Variants in PARD3B observed in about 807,000 individuals in gnomAD.
PARD3B encodes par-3 family cell polarity regulator beta.
PARD3B carries 103 observed loss-of-function variants against 130.2 expected under a neutral mutation model. That is an observed-to-expected ratio of 0.79 (90% CI 0.67 to 0.93). PARD3B has a LOEUF of 0.93. Ranked by LOEUF, PARD3B falls within the 40% of genes least tolerant of loss-of-function variation. The pLI is 0.00. For synonymous variants in PARD3B, 583 were observed against 553.2 expected (o/e 1.05, Z -0.76); for missense variants, 1,609 against 1,499.2 (o/e 1.07, Z -1.21).
chr2:204,555,593 T>C (rs1329722129), intron 1 of PARD3B, among the ~76,000 whole-genome samples: 1 of 152,166 alleles, frequency 6.6e-6, no homozygotes, highest in Non-Finnish European at 1.5e-5. Flanking sequence ...GAGTATATGC[T>C]GAGTTCCTTG....
Position 205,558,959 on chromosome 2 carries a change from T to A in PARD3B, c.3260+5556T>A, listed in dbSNP as rs1191633243. Among the ~76,000 whole-genome samples the A allele has an allele frequency of 6.6e-6, 1 of 152,182 alleles. No individual in the cohort carries two copies. The highest frequency in any genetic ancestry group is 1.5e-5 in the Non-Finnish European group (1 of 68,042). On this transcript the variant is annotated intron_variant, in intron 22 of 22. Transcript: ENST00000406610. This position sits in a 1 kb window ranked among gnomAD's most constrained non-coding sequence, Gnocchi z 4.8. ...CCACCCCATTGAAATATAAATTCCT[T>A]GAAATAAGAGACTTTGTTTTATACC...
intron 2 of PARD3B, among the ~76,000 whole-genome samples, chr2:204,802,801 T>C (rs897927189): frequency 1.3e-5 from 2 of 151,788 alleles, no homozygotes; most frequent in Non-Finnish European, 2.9e-5. Context: ...TGAGAACATA[T>C]GGACACAGGG....
chr2:204,574,093 C>T (rs1312130914), intron 1 of PARD3B, among the ~76,000 whole-genome samples: 4 of 152,096 alleles, frequency 2.6e-5, no homozygotes, highest in Admixed American at 2.6e-4. Context: ...GGTGTGGGAG[C>T]TCAAGACTGC....
rs1011723663 is a variant in PARD3B at position 205,568,596 on chromosome 2, G to A, written c.3260+15193G>A. The stretch of plus-strand genomic sequence containing the variant: ...AAAATGCCCATTAATGAACAATGAT[G>A]GTTTGAGTGTGTGCTGTGGCTTTAC... On this transcript the variant is annotated intron_variant, in intron 22 of 22. Transcript: ENST00000406610. This position sits in a 1 kb window ranked among gnomAD's most constrained non-coding sequence, Gnocchi z 5.3. Among the ~76,000 whole-genome samples, 2 of 152,154 alleles carry A rather than the reference G, an allele frequency of 1.3e-5. No individual in the cohort carries two copies. The highest frequency in any genetic ancestry group is 2.4e-5 in the African/African-American group (1 of 41,444).
chr2:205,087,024 T>G (rs961890698), intron 4 of PARD3B, among the ~76,000 whole-genome samples: 1 of 152,214 alleles, frequency 6.6e-6, no homozygotes, highest in Non-Finnish European at 1.5e-5. Context: ...CTGAGAGTCT[T>G]CCAAGTGTGT....
At chr2:204,744,665 A>G (rs1320977598) in intron 2 of PARD3B, among the ~76,000 whole-genome samples, 4 of 152,116 alleles carry the variant, frequency 2.6e-5, no homozygotes, top group Admixed American at 1.3e-4. Flanking sequence ...GACAAGGGAT[A>G]TCAATGTGCC....
chr2:205,310,197 A>G (rs945813833), intron 18 of PARD3B, among the ~76,000 whole-genome samples: 2 of 143,924 alleles, frequency 1.4e-5, no homozygotes, highest in East Asian at 2.1e-4. Flanking sequence ...CCATTCTCCT[A>G]CCTCAGCCTC....
chr2:204,896,456 T>A (rs2046643704), intron 2 of PARD3B, among the ~76,000 whole-genome samples: 1 of 152,176 alleles, frequency 6.6e-6, no homozygotes, highest in Admixed American at 6.5e-5. Context: ...TGGTGGCACC[T>A]CGGACATGTT....
In PARD3B at chr2:205,156,348, C is replaced by T. The variant is rs577030104; in HGVS notation, c.1435-2374C>T. The stretch of plus-strand genomic sequence containing the variant: ...TAATGGGTGCAGCACACCAGCATGG[C>T]ACATGTATACATATGTAACTAACCT... On this transcript the variant is annotated intron_variant, in intron 10 of 22. Coordinates refer to ENST00000406610, the MANE Select transcript of PARD3B (RefSeq NM_001302769.2). Among the ~76,000 whole-genome samples, 5 of 151,240 alleles carry T rather than the reference C, an allele frequency of 3.3e-5. No homozygotes were observed. The East Asian group carries it at 9.8e-4, about 30-fold the overall frequency.
chr2:205,597,978 A>G (rs567430593), intron 22 of PARD3B, among the ~76,000 whole-genome samples: 1 of 152,312 alleles, frequency 6.6e-6, no homozygotes, highest in African/African-American at 2.4e-5. Flanking sequence ...AAACATGGAA[A>G]CAAAAGAATG....
At chr2:205,162,756 C>G (rs567706978) in intron 11 of PARD3B, among the ~76,000 whole-genome samples, 2 of 152,168 alleles carry the variant, frequency 1.3e-5, no homozygotes, top group Non-Finnish European at 2.9e-5. Context: ...ATACCTTTCC[C>G]TAAATCCACA....
chr2:205,543,121 A>G (rs1391802724), intron 21 of PARD3B, among the ~76,000 whole-genome samples: 1 of 152,194 alleles, frequency 6.6e-6, no homozygotes, highest in Non-Finnish European at 1.5e-5. Flanking sequence ...CAAAGATGAT[A>G]TGCCAGGCCT....
Position 205,330,393 on chromosome 2 carries a change from G to T in PARD3B, c.2630+28692G>T, listed in dbSNP as rs143038176. Among the ~76,000 whole-genome samples, 1,062 of 152,156 alleles carry T rather than the reference G, an allele frequency of 7.0e-3. 3 individuals carry two copies. Among genetic ancestry groups the T allele is most frequent in the Non-Finnish European group, 0.01 (697 of 68,000 alleles). On this transcript the variant is annotated intron_variant, in intron 18 of 22. Coordinates refer to ENST00000406610, the MANE Select transcript of PARD3B (RefSeq NM_001302769.2). ...TTTTATGAAAATACTAGAATTAATGGGTGTTGGACTCTTGCTAGCCTTGGC... is the reference window on the plus strand; with the variant it reads ...TTTTATGAAAATACTAGAATTAATGTGTGTTGGACTCTTGCTAGCCTTGGC...
rs527432204 is a variant in PARD3B, at chr2:205,457,694, AT to A, written c.3044+17029del. ...TTCTCTAGGTATGTAATTGCCAGTG[AT>A]TTTTTTCTTCTTTTAATATATTAAA... On this transcript the variant is annotated intron_variant, in intron 20 of 22. Transcript: ENST00000406610. Among the ~76,000 whole-genome samples, 201 of 151,658 alleles carry A rather than the reference AT, an allele frequency of 1.3e-3. 1 individual carries two copies. The highest frequency in any genetic ancestry group is 2.1e-3 in the Non-Finnish European group (144 of 67,846).
intron 18 of PARD3B, among the ~76,000 whole-genome samples, chr2:205,374,091 G>A (rs1360915353): frequency 6.6e-6 from 1 of 151,282 alleles, no homozygotes; most frequent in Non-Finnish European, 1.5e-5. Context: ...TGAAATAGAG[G>A]TTTGAAAGCA....
At chr2:205,065,735 G>A (rs1238678527) in intron 4 of PARD3B, among the ~76,000 whole-genome samples, 1 of 152,098 alleles carries the variant, frequency 6.6e-6, no homozygotes, top group East Asian at 1.9e-4. Context: ...ATGCCCAATG[G>A]ATTTTCTCTC....
intron 1 of PARD3B, among the ~76,000 whole-genome samples, chr2:204,575,391 A>G (rs1420313924): frequency 6.6e-6 from 1 of 152,220 alleles, no homozygotes; most frequent in Non-Finnish European, 1.5e-5. Flanking sequence ...AAAGAACCTA[A>G]GAATTATTTA....
chr2:204,834,315 A>G (rs549379919), intron 2 of PARD3B, among the ~76,000 whole-genome samples: 2 of 152,342 alleles, frequency 1.3e-5, no homozygotes, highest in South Asian at 2.1e-4. Flanking sequence ...TACAGACTCA[A>G]TACATAAATA....
intron 15 of PARD3B, among the ~76,000 whole-genome samples, chr2:205,201,485 A>C (rs769138756): frequency 3.3e-5 from 5 of 152,240 alleles, no homozygotes; most frequent in Non-Finnish European, 7.3e-5. Context: ...AGTGTTTGAC[A>C]AGGGATACAG....
Sources: gnomAD v4.1 joint callset for allele counts (sites outside exome capture counted in the v4.1 genomes callset) on GRCh38, gnomAD v4.1.1 for gene constraint, Gnocchi (gnomAD v3.1) non-coding constraint, MANE v1.5 for transcripts, NCBI Gene and HGNC (gene_info 2026-07-23, HGNC 2026-07-21) for gene names.